CRADD: variants seen among roughly 807,000 people sequenced by gnomAD.
CRADD encodes the protein death domain-containing protein CRADD.
In CRADD, 9 loss-of-function variants were observed where a neutral mutation model predicts 15.5. The ratio of observed to expected loss-of-function variants is 0.58; its 90% CI spans 0.35 to 1.01. The LOEUF is 1.01. Among genes scored for constraint, CRADD ranks in the 50% least tolerant of loss-of-function variants. The pLI is 0.02. For missense variants in CRADD, 227 were observed against 250.3 expected (o/e 0.91, Z 0.63); for synonymous variants, 118 against 107.6 (o/e 1.10, Z -0.60).
At chr12:93,696,417 AC>A (rs1298190635) in intron 2 of CRADD, among the ~76,000 whole-genome samples, 1 of 152,220 alleles carries the variant, frequency 6.6e-6, no homozygotes, top group African/African-American at 2.4e-5. Context: ...AAAAAGAAAT[AC>A]CGTCATTTGT....
intron 2 of CRADD, among the ~76,000 whole-genome samples, chr12:93,702,843 G>A (rs1955867610): frequency 6.6e-6 from 1 of 152,042 alleles, no homozygotes; most frequent in Non-Finnish European, 1.5e-5. Flanking sequence ...CAGCCTTTTA[G>A]CAATATCAAG....
chr12:93,770,572 TG>T (rs1468889681), intron 2 of CRADD, among the ~76,000 whole-genome samples: 1 of 152,246 alleles, frequency 6.6e-6, no homozygotes, highest in Non-Finnish European at 1.5e-5. Context: ...CATTCCCCAT[TG>T]CTCTGCCATA....
chr12:93,771,602 C>T (rs917456778), intron 2 of CRADD, among the ~76,000 whole-genome samples: 3 of 152,112 alleles, frequency 2.0e-5, no homozygotes, highest in African/African-American at 7.2e-5. Flanking sequence ...AAAAAGAAAA[C>T]CTTGTTAAGC....
rs61928961 is a variant in CRADD, at chr12:93,684,215, C to T, written c.298+5143C>T. On this transcript the variant is annotated intron_variant, in intron 2 of 2. Transcript: ENST00000332896. ...TGACCATGTGCTAAACCAGAGGTCC[C>T]CAGCCTTTTTGGCGTCAGAGACTGG... Among the ~76,000 whole-genome samples the T allele has an allele frequency of 9.3e-4, 141 of 152,302 alleles. 1 individual carries two copies. Among genetic ancestry groups the T allele is most frequent in the Non-Finnish European group, 1.7e-3 (118 of 68,022 alleles).
At chr12:93,688,858 C>T (rs971745599) in intron 2 of CRADD, among the ~76,000 whole-genome samples, 2 of 152,218 alleles carry the variant, frequency 1.3e-5, no homozygotes, top group Non-Finnish European at 2.9e-5. Context: ...CTCCAGAGCC[C>T]ATCACCCTAA....
rs144016172 is a variant in CRADD, at chr12:93,810,187, C to T, written c.299-39783C>T. On this transcript the variant is annotated intron_variant, in intron 2 of 2. Transcript: ENST00000332896. ...ATTCTGTGCCCTGTTTGAAAGCTGG[C>T]GTGACTAATGTAGCTGGAATTGCTG... Among the ~76,000 whole-genome samples, 194 of 152,140 alleles carry T rather than the reference C, an allele frequency of 1.3e-3. 2 individuals carry two copies. The East Asian group carries it at 0.013, about 10-fold the overall frequency.
intron 2 of CRADD, among the ~76,000 whole-genome samples, chr12:93,698,198 A>C (rs542711099): frequency 8.5e-4 from 129 of 152,218 alleles, no homozygotes; most frequent in Non-Finnish European, 1.5e-3. Flanking sequence ...ATCTTGGGCC[A>C]GTGTGTCTTG....
intron 2 of CRADD, among the ~76,000 whole-genome samples, chr12:93,781,599 G>A (rs773866661): frequency 3.9e-5 from 6 of 152,188 alleles, no homozygotes; most frequent in African/African-American, 9.7e-5. Flanking sequence ...ACAGCCGAAC[G>A]TTAGTTATGC....
intron 2 of CRADD, among the ~76,000 whole-genome samples, chr12:93,813,807 C>T (rs1464231748): frequency 1.3e-5 from 2 of 151,110 alleles, no homozygotes; most frequent in East Asian, 1.9e-4. Context: ...TTAGAGCTGC[C>T]GAGGAAACGG....
At chr12:93,693,921 A>T (rs1419672154) in intron 2 of CRADD, among the ~76,000 whole-genome samples, 5 of 152,082 alleles carry the variant, frequency 3.3e-5, no homozygotes, top group Non-Finnish European at 1.5e-5. Context: ...AACAAATACC[A>T]ATCTTTCTCA....
At chr12:93,837,043 G>C (rs1473103273) in intron 2 of CRADD, among the ~76,000 whole-genome samples, 1 of 152,192 alleles carries the variant, frequency 6.6e-6, no homozygotes, top group Non-Finnish European at 1.5e-5. Context: ...GAAGGGGTCA[G>C]TGAAAGAGTG....
At chr12:93,791,999 T>G (rs1158880913) in intron 2 of CRADD, among the ~76,000 whole-genome samples, 4 of 152,092 alleles carry the variant, frequency 2.6e-5, no homozygotes, top group East Asian at 1.9e-4. Flanking sequence ...TTGATCTGCC[T>G]TAATTTCCAA....
At chr12:93,815,998 G>C (rs528841443) in intron 2 of CRADD, 80 of 152,338 alleles carry the variant, frequency 5.3e-4, no homozygotes, top group African/African-American at 1.8e-3. Context: ...GCTGATTCTA[G>C]AGTAGGGCTA....
intron 2 of CRADD, among the ~76,000 whole-genome samples, chr12:93,889,301 C>T (rs144886084): frequency 6.6e-6 from 1 of 152,132 alleles, no homozygotes; most frequent in Non-Finnish European, 1.5e-5. Context: ...ATGCCATGCA[C>T]ATTTTATATA....
In CRADD at chr12:93,720,169, G is replaced by T. The variant is rs1228359565; in HGVS notation, c.298+41097G>T. Among the ~76,000 whole-genome samples the T allele has an allele frequency of 2.0e-5, 3 of 151,940 alleles. No homozygotes were observed. The South Asian group carries it at 6.2e-4, about 32-fold the overall frequency. ...TCAAAATATTTTTTTAAATTATCTT[G>T]AGAATTCTCTTACCCCTATGTTACT... On this transcript the variant is annotated intron_variant, in intron 2 of 2. Coordinates refer to ENST00000332896, the MANE Select transcript of CRADD (RefSeq NM_003805.5).
intron 2 of CRADD, among the ~76,000 whole-genome samples, chr12:93,786,941 T>C (rs1211400743): frequency 6.6e-6 from 1 of 152,166 alleles, no homozygotes; most frequent in Admixed American, 6.5e-5. Flanking sequence ...GACCAAAACA[T>C]AATGGAATTG....
intron 2 of CRADD, among the ~76,000 whole-genome samples, chr12:93,693,604 T>G (rs919017819): frequency 2.0e-5 from 3 of 152,040 alleles, no homozygotes; most frequent in East Asian, 1.9e-4. Flanking sequence ...AATCAAATAT[T>G]AATAGATCTG....
chr12:93,764,180 CTTTT>C (rs34243041), intron 2 of CRADD, among the ~76,000 whole-genome samples: 5 of 128,392 alleles, frequency 3.9e-5, no homozygotes, highest in Non-Finnish European at 3.3e-5. Context: ...ACATGATCAA[CTTTT>C]TTTTTTTTTT....
chr12:93,847,685 G>A (rs966081678), intron 2 of CRADD, among the ~76,000 whole-genome samples: 2 of 151,980 alleles, frequency 1.3e-5, no homozygotes. Flanking sequence ...GGGCAAGGGG[G>A]CATGGATGAT....
Sources: gnomAD v4.1 joint callset for allele counts (sites outside exome capture counted in the v4.1 genomes callset) on GRCh38, gnomAD v4.1.1 for gene constraint, MANE v1.5 for transcripts, NCBI Gene and HGNC (gene_info 2026-07-23, HGNC 2026-07-21) for gene names.